Variants in SFTPB observed in about 807,000 individuals in gnomAD.
SFTPB encodes the protein pulmonary surfactant-associated protein B.
In SFTPB, 32 loss-of-function variants were observed where a neutral mutation model predicts 51.0. The observed-to-expected ratio is 0.63, with a 90% CI of 0.47 to 0.84. The LOEUF (loss-of-function observed/expected upper bound fraction) is 0.84, where lower values mean the gene tolerates loss of function less well. Ranked by LOEUF, SFTPB falls within the 40% of genes least tolerant of loss-of-function variation. SFTPB has a pLI of 0.00. For synonymous variants in SFTPB, 211 were observed against 208.5 expected (o/e 1.01, Z -0.10); for missense variants, 431 against 491.2 (o/e 0.88, Z 1.16).
At chr2:85,667,402 C>A (rs946501136) in intron 2 of SFTPB, among the ~76,000 whole-genome samples, 1 of 151,938 alleles carries the variant, frequency 6.6e-6, no homozygotes, top group East Asian at 1.9e-4. Flanking sequence ...CCATCCCATC[C>A]CATCCCATCC....
intron 2 of SFTPB, 35 bp downstream of exon 2, chr2:85,667,644 A>G: frequency 6.2e-7 from 1 of 1,613,498 alleles, no homozygotes; most frequent in Non-Finnish European, 8.5e-7. Context: ...TTCATTTCAG[A>G]CCCCCAGTTG....
chr2:85,668,250 C>A, upstream of SFTPB: 1 of 1,467,396 alleles, frequency 6.8e-7, no homozygotes, highest in Non-Finnish European at 9.3e-7. Flanking sequence ...GGCGTGGGGG[C>A]TCTGTAGGAG....
chr2:85,667,650 A>G (rs1677720062), intron 2 of SFTPB, 29 bp downstream of exon 2: 1 of 1,614,084 alleles, frequency 6.2e-7, no homozygotes, highest in Non-Finnish European at 8.5e-7. Flanking sequence ...TCAGACCCCC[A>G]GTTGCCATGC....
At chr2:85,668,289 T>G, upstream of SFTPB, 1 of 1,101,946 alleles carries the variant, frequency 9.1e-7, no homozygotes, top group Non-Finnish European at 1.3e-6. Flanking sequence ...TTGTCTTTGC[T>G]CTGAAGAGCC....
rs771970362 is a variant in SFTPB, at chr2:85,667,759, A to G, written c.115T>C (p.Trp39Arg). The G allele has an allele frequency of 6.2e-7, 1 of 1,614,288 alleles. No individual in the cohort carries two copies. Among genetic ancestry groups the G allele is most frequent in the South Asian group, 1.1e-5 (1 of 91,090 alleles). ...AATGCTTGCTCCAGGCTTTGGCACCAGAACTCAGGGCCCTGGGCACAGGCC... is the reference window on the plus strand; with the variant it reads ...AATGCTTGCTCCAGGCTTTGGCACCGGAACTCAGGGCCCTGGGCACAGGCC... Reference protein sequence around the residue: ...SLACAQGPEFWCQSLEQALQC... With the variant: ...SLACAQGPEFRCQSLEQALQC... The change falls in exon 2 of 11, where the codon TGG (tryptophan) becomes CGG (arginine). Residue 39 changes from tryptophan to arginine, a missense_variant. Trp to Arg is a moderately radical substitution (Grantham distance 101, BLOSUM62 -3). Coordinates refer to ENST00000519937, the MANE Select transcript of SFTPB (RefSeq NM_000542.5).
rs35049407 is a variant in SFTPB at position 85,665,328 on chromosome 2, G to A, written c.633C>T (p.Cys211=). The change falls in exon 6 of 11, where the codon TGC becomes TGT. Residue 211 remains cysteine (C), a synonymous_variant. Transcript: ENST00000519937. ...FPIPLPYCWL[C]RALIKRIQAM... is the part of the protein sequence containing the mutation. ...CTTGGATCCGCTTGATCAGAGCCCT[G>A]CAGAGCCAGCAATAGGGGAGAGGAA... 5.5e-4 allele frequency: 890 copies of A among 1,614,108 alleles called. 8 individuals carry two copies. The African/African-American group carries it at 9.0e-3, about 16-fold the overall frequency.
At position 85,666,631 on chromosome 2, in the gene SFTPB, A is replaced by G; in HGVS notation, c.379T>C (p.Phe127Leu). 6.2e-7 allele frequency: 1 copy of G among 1,613,538 alleles called. No homozygotes were observed. Among genetic ancestry groups the G allele is most frequent in the Non-Finnish European group, 8.5e-7 (1 of 1,179,730 alleles). The change falls in exon 4 of 11, where the codon TTC becomes CTC. Residue 127 changes from phenylalanine to leucine, a missense_variant. Phe to Leu is a conservative substitution (Grantham distance 22, BLOSUM62 0). Coordinates refer to ENST00000519937, the MANE Select transcript of SFTPB (RefSeq NM_000542.5). ...GCAGCCCTCACAGTCTGGTTCTGGA[A>G]GTAGTCGATGACCAGGGGGAAGTAG... ...DDYFPLVIDY[F>L]QNQTDSNGIC...
rs45557339 is a variant in SFTPB at position 85,666,658 on chromosome 2, C to T, written c.352G>A (p.Asp118Asn). 173 of 1,613,776 alleles carry T rather than the reference C, an allele frequency of 1.1e-4. 1 individual carries two copies. The highest frequency in any genetic ancestry group is 6.5e-4 in the East Asian group (29 of 44,862). ...LMPQCNQVLD[D>N]YFPLVIDYFQ... ...TAGTCGATGACCAGGGGGAAGTAGT[C>T]GTCAAGCACTTGGTTGCACTGGGGC... Residue 118 changes from aspartate to asparagine, a missense_variant, in exon 4 of 11, where the codon GAC (aspartate) becomes AAC (asparagine). Coordinates refer to ENST00000519937, the MANE Select transcript of SFTPB (RefSeq NM_000542.5).
intron 4 of SFTPB, 198 bp downstream of exon 4, chr2:85,666,419 G>GTGCT: frequency 1.8e-6 from 1 of 547,264 alleles, no homozygotes; most frequent in Non-Finnish European, 3.3e-6. Flanking sequence ...GGCCAGCTGG[G>GTGCT]GTGTTGTGTG....
At chr2:85,668,243 G>A (rs546582871), upstream of SFTPB, 29 of 1,499,622 alleles carry the variant, frequency 1.9e-5, no homozygotes, top group African/African-American at 2.1e-4. Flanking sequence ...TGGGCGGGGC[G>A]TGGGGGCTCT....
Position 85,667,166 on chromosome 2 carries a change from G to T in SFTPB, c.207C>A (p.Cys69Ter), listed in dbSNP as rs1409485997. 1 of 1,613,720 alleles carries T rather than the reference G, an allele frequency of 6.2e-7. No individual in the cohort carries two copies. The highest frequency in any genetic ancestry group is 8.5e-7 in the Non-Finnish European group (1 of 1,179,754). Reference sequence around the variant, plus strand: ...TGTGGACGATGTCCTCACACTCTTGGCATAGGTCATCCTGGGGAGGGAGGG... The same window carrying T: ...TGTGGACGATGTCCTCACACTCTTGTCATAGGTCATCCTGGGGAGGGAGGG... The part of the protein sequence containing the change: ...VWGHVGADDL[C>*]QECEDIVHIL... The change falls in exon 3 of 11, where the codon TGC (cysteine) becomes TGA (stop). Residue 69 changes from cysteine to a stop codon, truncating the protein, a stop_gained. Transcript: ENST00000519937. LOFTEE classifies it high-confidence loss of function.
chr2:85,659,791 C>G (rs1377026756), intron 10 of SFTPB, 109 bp from the exon 11 acceptor site: 1 of 152,408 alleles, frequency 6.6e-6, no homozygotes, highest in Non-Finnish European at 1.5e-5. Context: ...CGCCAACCCA[C>G]TGGTCTTGCT....
Position 85,667,185 on chromosome 2 carries a change from G to A in SFTPB, c.196-8C>T, listed in dbSNP as rs3024798. The A allele has an allele frequency of 1.2e-6, 2 of 1,606,740 alleles. No individual in the cohort carries two copies. The highest frequency in any genetic ancestry group is 2.7e-5 in the African/African-American group (2 of 74,822). On this transcript the variant is annotated splice_region_variant and splice_polypyrimidine_tract_variant and intron_variant, in intron 2 of 10. Coordinates refer to ENST00000519937, the MANE Select transcript of SFTPB (RefSeq NM_000542.5). ...CTCTTGGCATAGGTCATCCTGGGGAGGGAGGGGCCCCAAGGTGGAGGACAC... is the reference window on the plus strand; with the variant it reads ...CTCTTGGCATAGGTCATCCTGGGGAAGGAGGGGCCCCAAGGTGGAGGACAC...
At chr2:85,665,550 G>A (rs1172084090) in intron 5 of SFTPB, 56 bp downstream of exon 5, 1 of 1,593,688 alleles carries the variant, frequency 6.3e-7, no homozygotes. Flanking sequence ...ATGGGCTTCG[G>A]AGGTGGCTCT....
rs147057701 is a variant in SFTPB, at chr2:85,668,140, GGCA to G, written c.41_43del (p.Leu14del). On this transcript the variant is annotated inframe_deletion, in exon 1 of 11. Transcript: ENST00000519937. ...ACCAGTGCCTGGGCCACAGAGCGTG[GGCA>G]GCAGCAGCAGCAGCCACTGCAGCAG... is the stretch of plus-strand genomic sequence containing the variant. The G allele has an allele frequency of 6.1e-5, 95 of 1,547,610 alleles. No individual in the cohort carries two copies. Among genetic ancestry groups the G allele is most frequent in the East Asian group, 3.7e-4 (15 of 40,864 alleles).
In SFTPB at chr2:85,661,469, C is replaced by A; in HGVS notation, c.*4G>T. On this transcript the variant is annotated 3_prime_UTR_variant, in exon 10 of 11. Coordinates refer to ENST00000519937, the MANE Select transcript of SFTPB (RefSeq NM_000542.5). Reference sequence around the variant, plus strand: ...CTGGACTCACCTGGACAGCTGAGTTCTCATCAAAGGTCGGGGCTGTGGATA... The same window carrying A: ...CTGGACTCACCTGGACAGCTGAGTTATCATCAAAGGTCGGGGCTGTGGATA... 1 of 1,610,248 alleles carries A rather than the reference C, an allele frequency of 6.2e-7. No individual in the cohort carries two copies.
Position 85,666,215 on chromosome 2 carries a change from C to CTGTGTGTGTGTGTG in SFTPB, c.393+388_393+401dup, listed in dbSNP as rs34530476. 6.2e-4 allele frequency among the ~76,000 whole-genome samples: 60 copies of CTGTGTGTGTGTGTG among 96,442 alleles called. 1 individual carries two copies. Among genetic ancestry groups the CTGTGTGTGTGTGTG allele is most frequent in the African/African-American group, 2.4e-3 (56 of 23,798 alleles). 63.3% of individuals were successfully genotyped at this position (96,442 alleles called of 152,430 possible). ...GGCCAGCTGGGGTGCTGTGTGTGTG[C>CTGTGTGTGTGTGTG]TGTGTGTGTGTGTGTGTGTGTGTGT... is the stretch of plus-strand genomic sequence containing the variant. On this transcript the variant is annotated intron_variant, in intron 4 of 10. Coordinates refer to ENST00000519937, the MANE Select transcript of SFTPB (RefSeq NM_000542.5).
At chr2:85,661,639 G>T (rs749530951) in intron 9 of SFTPB, 104 bp from the exon 10 acceptor site, 1 of 941,090 alleles carries the variant, frequency 1.1e-6, no homozygotes, top group East Asian at 2.6e-5. Flanking sequence ...CGCCTAGTGG[G>T]TGCTACCAGT....
intron 4 of SFTPB, 40 bp from the exon 5 acceptor site, chr2:85,665,834 G>A: frequency 6.2e-7 from 1 of 1,603,370 alleles, no homozygotes. Context: ...GGGTCTGGGA[G>A]GGAAGCCCAC....
Sources: allele counts gnomAD v4.1 joint callset (sites outside exome capture counted in the v4.1 genomes callset), GRCh38; gene constraint gnomAD v4.1.1; transcripts MANE v1.5; gene names NCBI Gene and HGNC (gene_info 2026-07-23, HGNC 2026-07-21).